Variants in ZNF106 observed in about 807,000 individuals in gnomAD.
ZNF106 encodes zinc finger protein 106.
Under a neutral mutation model 195.1 loss-of-function variants are expected in ZNF106, and 67 were observed. The ratio of observed to expected loss-of-function variants is 0.34; its 90% CI spans 0.28 to 0.42. ZNF106 has a LOEUF of 0.42. Ranked by LOEUF, ZNF106 falls within the 10% of genes least tolerant of loss-of-function variation. The pLI is 1.00. For synonymous variants in ZNF106, 784 were observed against 818.6 expected, an observed-to-expected ratio of 0.96 and a Z score of 0.72; for missense variants, 2,118 against 2,304.5, an observed-to-expected ratio of 0.92 and a Z score of 1.66.
At position 42,450,938 on chromosome 15, in the gene ZNF106, G is replaced by C. The variant is rs555400127; in HGVS notation, c.1334C>G (p.Ser445Cys). The change falls in exon 5 of 22, where the codon TCC becomes TGC. Residue 445 changes from serine to cysteine, a missense_variant. Coordinates refer to ENST00000564754, the MANE Select transcript of ZNF106 (RefSeq NM_001366845.3). ...TCTCACCACCTCGAAGGAAGCAGCGGAATCAGAAGAGGCCTTGTGATTAAG... is the reference window on the plus strand; with the variant it reads ...TCTCACCACCTCGAAGGAAGCAGCGCAATCAGAAGAGGCCTTGTGATTAAG... ...GSLNHKASSDSAASFEVVRQC... is the reference protein window; with the variant it reads ...GSLNHKASSDCAASFEVVRQC... 14 of 1,614,070 alleles carry C rather than the reference G, an allele frequency of 8.7e-6. No individual in the cohort carries two copies. Among genetic ancestry groups the C allele is most frequent in the Admixed American group, 1.7e-5 (1 of 59,994 alleles).
chr15:42,432,906 G>T (rs1483845277), intron 14 of ZNF106, among the ~76,000 whole-genome samples: 1 of 151,930 alleles, frequency 6.6e-6, no homozygotes, highest in African/African-American at 2.4e-5. Context: ...TGTGTCTCTT[G>T]TAGACAACAA....
At position 42,422,042 on chromosome 15, in the gene ZNF106, A is replaced by G. The variant is rs1458876546; in HGVS notation, c.5374-54T>C. 2.7e-6 allele frequency: 4 copies of G among 1,505,968 alleles called. No homozygotes were observed. In the Admixed American group the frequency reaches 7.2e-5, roughly 27 times the overall value. 93.3% of individuals were successfully genotyped at this position (1,505,968 alleles called of 1,614,324 possible). On this transcript the variant is annotated intron_variant, in intron 18 of 21. Coordinates refer to ENST00000564754, the MANE Select transcript of ZNF106 (RefSeq NM_001366845.3). ...AAGTTATTTATACCTTGCGTTTAAT[A>G]AGTACAGTCCCTAAAGGCCTTTGGC... is the stretch of plus-strand genomic sequence containing the variant.
chr15:42,447,821 G>T (rs1333368205), intron 6 of ZNF106, among the ~76,000 whole-genome samples: 5 of 152,144 alleles, frequency 3.3e-5, no homozygotes, highest in Admixed American at 2.6e-4. Flanking sequence ...AAGAATCATT[G>T]GCTTGGACAC....
chr15:42,453,282 A>G (rs951953538), intron 4 of ZNF106, among the ~76,000 whole-genome samples: 5 of 152,320 alleles, frequency 3.3e-5, no homozygotes, highest in African/African-American at 1.2e-4. Context: ...AGTAGTAACC[A>G]TAATATGTGC....
Position 42,446,655 on chromosome 15 carries a change from C to T in ZNF106, c.3139G>A (p.Gly1047Arg), listed in dbSNP as rs1469398493. ...AGACTTGGGAGTTCAGGAGAAGATC[C>T]ATCCTGGAAGGATAAAGAAAACTGA... ...IRKKRRATGD[G>R]SSPELPSLER... The change falls in exon 7 of 22, where the codon GGA becomes AGA. Residue 1047 changes from glycine (G) to arginine (R), a missense_variant. By Grantham distance (125) the Gly-to-Arg change is moderately radical (BLOSUM62 -2). Transcript: ENST00000564754. 1.9e-6 allele frequency: 3 copies of T among 1,601,174 alleles called. No homozygotes were observed. Among genetic ancestry groups the T allele is most frequent in the East Asian group, 2.2e-5 (1 of 44,668 alleles).
intron 20 of ZNF106, among the ~76,000 whole-genome samples, chr15:42,420,346 G>A (rs1008476662): frequency 3.9e-5 from 6 of 151,966 alleles, no homozygotes; most frequent in African/African-American, 1.2e-4. Context: ...TAGCCCTCTT[G>A]ATTATTACAT....
rs1398200695 is a variant in ZNF106 at position 42,417,337 on chromosome 15, T to C, written c.5688A>G (p.Arg1896=). The C allele has an allele frequency of 1.9e-6, 3 of 1,614,134 alleles. 1 individual carries two copies. In the Middle Eastern group the frequency reaches 4.9e-4, roughly 266 times the overall value. Residue 1896 remains arginine, a synonymous_variant, in exon 22 of 22, where the codon CGA becomes CGG. Coordinates refer to ENST00000564754, the MANE Select transcript of ZNF106 (RefSeq NM_001366845.3). ...SKQDAAGHIE[R]HAEDDSKIDS is the part of the protein sequence containing the mutation. ...CAATTTTGCTGTCATCTTCAGCATG[T>C]CGTTCAATATGTCCTGCAGCATCCT...
chr15:42,478,035 A>G (rs2056821122), intron 1 of ZNF106, among the ~76,000 whole-genome samples: 1 of 151,548 alleles, frequency 6.6e-6, no homozygotes, highest in African/African-American at 2.4e-5. Context: ...GCTGGAGTGC[A>G]GTGGTGCTAT....
intron 16 of ZNF106, 30 bp downstream of exon 16, chr15:42,424,804 A>G: frequency 6.3e-7 from 1 of 1,598,612 alleles, no homozygotes; most frequent in East Asian, 2.2e-5. Context: ...TTTGTGCCAG[A>G]CAACTCCGAT....
rs553161625 is a variant in ZNF106 at position 42,457,336 on chromosome 15, T to C, written c.117-178A>G. ...AATAAGTTTGTTTATAAGTTACTTT[T>C]GAAATGATTTTAAGATTCTTTTCCA... On this transcript the variant is annotated intron_variant, in intron 3 of 21. Transcript: ENST00000564754. The C allele has an allele frequency of 2.7e-6, 4 of 1,456,670 alleles. No individual in the cohort carries two copies. The East Asian group carries it at 7.2e-5, about 26-fold the overall frequency. 90.2% of individuals were successfully genotyped at this position (1,456,670 alleles called of 1,614,324 possible). A position where few individuals can be genotyped will look rare whatever the true frequency, so the allele number is the denominator to read the frequency against.
At chr15:42,441,000 T>G (rs11631242) in intron 10 of ZNF106, among the ~76,000 whole-genome samples, 1 of 10,452 alleles carries the variant, frequency 9.6e-5, no homozygotes, top group Non-Finnish European at 1.5e-4. Flanking sequence ...AAAAAAAAAA[T>G]ATATATATAT....
chr15:42,477,104 G>C (rs761185553), intron 1 of ZNF106, among the ~76,000 whole-genome samples: 1 of 151,922 alleles, frequency 6.6e-6, no homozygotes, highest in Non-Finnish European at 1.5e-5. Flanking sequence ...GTCTATCTAT[G>C]GGTTTGTTAA....
intron 4 of ZNF106, among the ~76,000 whole-genome samples, chr15:42,452,875 G>A (rs2141366247): frequency 6.6e-6 from 1 of 151,686 alleles, no homozygotes; most frequent in East Asian, 1.9e-4. Context: ...TAGTAGAGAC[G>A]GGGTTTCACC....
Position 42,472,257 on chromosome 15 carries a change from G to A in ZNF106, c.33C>T (p.His11=). MVRERKCILC[H]IVYSSKKEMD... is the part of the protein sequence containing the mutation. ...TTACCTTTTTTGAGCTGTACACGAT[G>A]TGGCATAATATGCATTTTCGTTCTC... The change falls in exon 2 of 22, where the codon CAC becomes CAT. Residue 11 remains histidine (H), a synonymous_variant. Coordinates refer to ENST00000564754, the MANE Select transcript of ZNF106 (RefSeq NM_001366845.3). 1 of 1,535,702 alleles carries A rather than the reference G, an allele frequency of 6.5e-7. No individual in the cohort carries two copies. Among genetic ancestry groups the A allele is most frequent in the Non-Finnish European group, 8.7e-7 (1 of 1,146,746 alleles).
intron 1 of ZNF106, among the ~76,000 whole-genome samples, chr15:42,483,264 G>T (rs1373088715): frequency 1.3e-5 from 2 of 152,186 alleles, no homozygotes; most frequent in Non-Finnish European, 2.9e-5. Context: ...TGGCCAGGAG[G>T]AGCTTACTCA....
At chr15:42,438,498 C>T (rs1023240733) in intron 12 of ZNF106, 114 bp downstream of exon 12, 1 of 895,812 alleles carries the variant, frequency 1.1e-6, no homozygotes. Flanking sequence ...GGTGATAAAC[C>T]CCTCCCCATT....
chr15:42,463,919 G>C (rs895483963), intron 3 of ZNF106, among the ~76,000 whole-genome samples: 17 of 152,244 alleles, frequency 1.1e-4, no homozygotes, highest in South Asian at 6.2e-4. Context: ...TGGGGGCAGG[G>C]AAAAATTCCA....
At chr15:42,480,247 G>A (rs994674679) in intron 1 of ZNF106, among the ~76,000 whole-genome samples, 1 of 152,160 alleles carries the variant, frequency 6.6e-6, no homozygotes, top group South Asian at 2.1e-4. Flanking sequence ...TCAGGCACAA[G>A]CATAGTTATA....
chr15:42,490,271 AT>A (rs1033809714), intron 1 of ZNF106: 1 of 151,936 alleles, frequency 6.6e-6, no homozygotes, highest in African/African-American at 2.4e-5. Flanking sequence ...AATAAACTGG[AT>A]ATAAACCATT....
Sources: gnomAD v4.1 joint callset for allele counts (sites outside exome capture counted in the v4.1 genomes callset) on GRCh38, gnomAD v4.1.1 for gene constraint, MANE v1.5 for transcripts, NCBI Gene and HGNC (gene_info 2026-07-23, HGNC 2026-07-21) for gene names.